The following SAMMSON variants were observed in gnomAD, a reference collection of about 807,000 sequenced individuals.
SAMMSON encodes the protein survival associated mitochondrial melanoma specific oncogenic non-coding RNA.
chr3:70,319,050 C>A (rs945588296), intron 7 of SAMMSON, among the ~76,000 whole-genome samples: 8 of 152,040 alleles, frequency 5.3e-5, no homozygotes. Flanking sequence ...ACAAAAGCTA[C>A]TTTTTGCCAG....
At chr3:70,345,038 A>G (rs1035152365) in intron 7 of SAMMSON, among the ~76,000 whole-genome samples, 8 of 152,224 alleles carry the variant, frequency 5.3e-5, no homozygotes, top group Non-Finnish European at 7.3e-5. Flanking sequence ...ATACTAACTC[A>G]TATAAATATA....
At chr3:70,432,695 C>T (rs1701424069) in intron 2 of SAMMSON, among the ~76,000 whole-genome samples, 1 of 151,902 alleles carries the variant, frequency 6.6e-6, no homozygotes, top group African/African-American at 2.4e-5. Context: ...CATTAGGGTT[C>T]ATTCTTTGCA....
intron 6 of SAMMSON, among the ~76,000 whole-genome samples, chr3:70,278,184 A>G (rs1266742832): frequency 1.3e-5 from 2 of 152,120 alleles, no homozygotes; most frequent in African/African-American, 4.8e-5. Flanking sequence ...CTCATAGTGT[A>G]TATTCTTTTA....
At chr3:70,031,556 A>G (rs1242105117) in intron 3 of SAMMSON, among the ~76,000 whole-genome samples, 1 of 152,212 alleles carries the variant, frequency 6.6e-6, no homozygotes, top group Admixed American at 6.5e-5. Context: ...TATAACACAC[A>G]GGAGAGGGTG....
At chr3:70,121,518 C>T (rs904568336) in intron 4 of SAMMSON, among the ~76,000 whole-genome samples, 6 of 152,076 alleles carry the variant, frequency 3.9e-5, no homozygotes, top group Non-Finnish European at 8.8e-5. Flanking sequence ...GATCTTTTAA[C>T]AAAGCATCAG....
intron 4 of SAMMSON, among the ~76,000 whole-genome samples, chr3:70,207,871 G>A (rs1415219806): frequency 1.3e-5 from 2 of 151,976 alleles, no homozygotes; most frequent in Non-Finnish European, 2.9e-5. Flanking sequence ...CTCAGACACT[G>A]AGGGACAACT....
chr3:70,022,122 C>T (rs185993521), intron 3 of SAMMSON, among the ~76,000 whole-genome samples: 81 of 152,142 alleles, frequency 5.3e-4, no homozygotes, highest in African/African-American at 1.7e-3. Context: ...TTTTGTTCCT[C>T]CAATAATCTG....
chr3:70,105,627 G>T (rs1014444437), intron 4 of SAMMSON, among the ~76,000 whole-genome samples: 1 of 152,080 alleles, frequency 6.6e-6, no homozygotes, highest in African/African-American at 2.4e-5. Flanking sequence ...TAGCAAATTG[G>T]ACCCCATTTC....
chr3:70,131,417 C>T (rs2067482187), intron 4 of SAMMSON, among the ~76,000 whole-genome samples: 2 of 152,108 alleles, frequency 1.3e-5, no homozygotes. Context: ...TCATTGTAAG[C>T]TGAAAATTCT....
intron 9 of SAMMSON, among the ~76,000 whole-genome samples, chr3:70,363,898 A>G (rs1357786076): frequency 2.0e-5 from 3 of 150,034 alleles, no homozygotes; most frequent in Non-Finnish European, 4.5e-5. Context: ...TTTTCTTTTT[A>G]TTTTACGTGA....
At position 70,190,606 on chromosome 3, in the gene SAMMSON, G is replaced by A. The variant is rs1236544765; in HGVS notation, n.508-58501G>A. On this transcript the variant is annotated intron_variant and non_coding_transcript_variant, in intron 4 of 9. Transcript: ENST00000642114. The stretch of plus-strand genomic sequence containing the variant: ...AAGTACGTTTGGTTACATGCAGGAG[G>A]ATTTTGGTGCCACACAGATACTTTT... Among the ~76,000 whole-genome samples the A allele has an allele frequency of 2.0e-5, 3 of 152,260 alleles. No homozygotes were observed. The South Asian group carries it at 6.2e-4, about 32-fold the overall frequency.
chr3:70,024,427 A>C (rs1222151354), intron 3 of SAMMSON, among the ~76,000 whole-genome samples: 1 of 152,224 alleles, frequency 6.6e-6, no homozygotes, highest in African/African-American at 2.4e-5. Flanking sequence ...CAAAAATAAT[A>C]ATAAAATTAG....
chr3:70,353,472 AAGAGATGCAT>A (rs1702808569), intron 7 of SAMMSON, among the ~76,000 whole-genome samples: 2 of 152,130 alleles, frequency 1.3e-5, no homozygotes, highest in African/African-American at 4.8e-5. Flanking sequence ...ATCACAAGAA[AAGAGATGCAT>A]TATTCATTAG....
chr3:70,154,260 A>G (rs1056482736), intron 4 of SAMMSON, among the ~76,000 whole-genome samples: 1 of 152,060 alleles, frequency 6.6e-6, no homozygotes, highest in Non-Finnish European at 1.5e-5. Flanking sequence ...ACATAATTCT[A>G]TGTACTTTGC....
At chr3:70,169,818 G>A (rs565406205) in intron 4 of SAMMSON, among the ~76,000 whole-genome samples, 3 of 151,920 alleles carry the variant, frequency 2.0e-5, no homozygotes, top group Non-Finnish European at 4.4e-5. Flanking sequence ...ACAGAGCACC[G>A]AGGGTCTGTT....
At chr3:70,381,156 T>G (rs918493238) in intron 9 of SAMMSON, among the ~76,000 whole-genome samples, 2 of 152,160 alleles carry the variant, frequency 1.3e-5, no homozygotes, top group African/African-American at 4.8e-5. Context: ...CATAGCCCAA[T>G]GCAGTTGTGT....
intron 4 of SAMMSON, among the ~76,000 whole-genome samples, chr3:70,194,548 C>G (rs1701156772): frequency 6.6e-6 from 1 of 152,138 alleles, no homozygotes; most frequent in Non-Finnish European, 1.5e-5. Flanking sequence ...GTATAACCGA[C>G]CCTTTCTGTT....
At chr3:70,364,621 C>A (rs1702904728) in intron 9 of SAMMSON, among the ~76,000 whole-genome samples, 1 of 151,824 alleles carries the variant, frequency 6.6e-6, no homozygotes, top group Admixed American at 6.6e-5. Context: ...CTGTGGTATA[C>A]AGCATGTTCT....
chr3:70,225,581 C>A (rs574708912), intron 4 of SAMMSON, among the ~76,000 whole-genome samples: 8 of 151,780 alleles, frequency 5.3e-5, no homozygotes, highest in African/African-American at 1.9e-4. Flanking sequence ...GCTTCAAAAT[C>A]CTTTTCTCTG....
Sources: gnomAD v4.1 joint callset for allele counts (sites outside exome capture counted in the v4.1 genomes callset) on GRCh38, gnomAD v4.1.1 for gene constraint, MANE v1.5 for transcripts, NCBI Gene and HGNC (gene_info 2026-07-23, HGNC 2026-07-21) for gene names.